Variants in PID1 observed in about 807,000 individuals in gnomAD.
PID1 encodes phosphotyrosine interaction domain containing 1.
In PID1, 10 loss-of-function variants were observed where a neutral mutation model predicts 19.1. The observed-to-expected ratio is 0.52, with a 90% CI of 0.32 to 0.89. The LOEUF (loss-of-function observed/expected upper bound fraction) is 0.89. PID1 is among the 40% of genes least tolerant of loss of function. PID1 has a pLI of 0.03. For synonymous variants in PID1, 130 were observed against 116.0 expected (o/e 1.12, Z -0.78); for missense variants, 248 against 285.3 (o/e 0.87, Z 0.94).
intron 1 of PID1, among the ~76,000 whole-genome samples, chr2:229,227,661 G>T (rs997829485): frequency 6.6e-6 from 1 of 152,084 alleles, no homozygotes; most frequent in Non-Finnish European, 1.5e-5. Context: ...CCCTCATAAG[G>T]GTACTGCACC....
At chr2:229,128,178 ACAGCT>A (rs1695662727) in intron 2 of PID1, among the ~76,000 whole-genome samples, 1 of 152,244 alleles carries the variant, frequency 6.6e-6, no homozygotes, top group Admixed American at 6.5e-5. Context: ...AGTGCTCTCA[ACAGCT>A]AAAGGTATTT....
intron 1 of PID1, among the ~76,000 whole-genome samples, chr2:229,160,533 C>T (rs1690471494): frequency 6.6e-6 from 1 of 152,124 alleles, no homozygotes; most frequent in African/African-American, 2.4e-5. Flanking sequence ...CTTCCCTGAA[C>T]ACCTATATGC....
chr2:229,142,649 G>C (rs1038452629), intron 2 of PID1, among the ~76,000 whole-genome samples: 14 of 152,162 alleles, frequency 9.2e-5, no homozygotes, highest in Admixed American at 7.2e-4. Context: ...CAATGAGATA[G>C]CATCTCACGC....
chr2:229,089,286 T>C (rs1245072389), intron 2 of PID1, among the ~76,000 whole-genome samples: 1 of 152,202 alleles, frequency 6.6e-6, no homozygotes, highest in Non-Finnish European at 1.5e-5. Flanking sequence ...CACTGGCTTA[T>C]TTATAAACTT....
At chr2:229,155,638 C>G (rs547092860) in intron 2 of PID1, among the ~76,000 whole-genome samples, 180 bp downstream of exon 2, 1 of 152,018 alleles carries the variant, frequency 6.6e-6, no homozygotes, top group South Asian at 2.1e-4. Flanking sequence ...AGTGTTAGGT[C>G]ATTTAGAAAA....
At chr2:229,166,205 CA>C (rs796995243) in intron 1 of PID1, among the ~76,000 whole-genome samples, 5 of 151,976 alleles carry the variant, frequency 3.3e-5, no homozygotes, top group African/African-American at 1.2e-4. Context: ...AGAACACAAA[CA>C]AAAAAAGAGA....
intron 2 of PID1, among the ~76,000 whole-genome samples, chr2:229,116,214 G>A (rs1347624442): frequency 2.6e-5 from 4 of 152,238 alleles, no homozygotes; most frequent in African/African-American, 7.2e-5. Flanking sequence ...GTGACAGAGC[G>A]AGACTCTGTC....
intron 2 of PID1, among the ~76,000 whole-genome samples, chr2:229,067,537 C>A (rs576518644): frequency 6.6e-6 from 1 of 152,212 alleles, no homozygotes; most frequent in African/African-American, 2.4e-5. Context: ...CATAGCCCCA[C>A]CAAAGGCCCT....
At chr2:229,032,396 T>C (rs16825599) in intron 2 of PID1, among the ~76,000 whole-genome samples, 5,170 of 152,318 alleles carry the variant, frequency 0.034, 310 homozygotes, top group African/African-American at 0.12. Flanking sequence ...ATGTCAGGTT[T>C]GGTTAAGGAG....
intron 2 of PID1, among the ~76,000 whole-genome samples, chr2:229,113,433 C>CAT (rs1559238706): frequency 9.6e-6 from 1 of 103,868 alleles, no homozygotes; most frequent in African/African-American, 3.0e-5. Flanking sequence ...CACACACATA[C>CAT]ATATATATAC....
chr2:229,223,852 G>C (rs1692022782), intron 1 of PID1, among the ~76,000 whole-genome samples: 1 of 152,174 alleles, frequency 6.6e-6, no homozygotes, highest in Middle Eastern at 3.2e-3. Context: ...ATAATGCTGA[G>C]GTTTGGGTTT....
intron 2 of PID1, among the ~76,000 whole-genome samples, chr2:229,092,294 G>GTAGACAGTC (rs1694892237): frequency 6.6e-6 from 1 of 152,154 alleles, no homozygotes; most frequent in African/African-American, 2.4e-5. Flanking sequence ...ACTGTAAGAA[G>GTAGACAGTC]TAGACAGTCT....
intron 2 of PID1, among the ~76,000 whole-genome samples, chr2:229,027,646 G>A (rs1343754570): frequency 6.6e-6 from 1 of 152,094 alleles, no homozygotes; most frequent in South Asian, 2.1e-4. Flanking sequence ...TCAAAACATT[G>A]GCCTCAGACT....
intron 2 of PID1, among the ~76,000 whole-genome samples, chr2:229,149,787 G>A (rs1469903175): frequency 2.0e-5 from 3 of 152,152 alleles, no homozygotes; most frequent in African/African-American, 7.2e-5. Context: ...TTGGGTACAT[G>A]GGGCCAAGCA....
chr2:229,195,282 T>C (rs987122437), intron 1 of PID1, among the ~76,000 whole-genome samples: 2 of 151,832 alleles, frequency 1.3e-5, no homozygotes, highest in African/African-American at 2.4e-5. Flanking sequence ...AACCTCATTT[T>C]TTATTCTTCA....
chr2:229,206,603 C>T lies in PID1; in HGVS notation c.31-50639G>A, dbSNP rs1300899182. On this transcript the variant is annotated intron_variant, in intron 1 of 2. Coordinates refer to ENST00000392055, the MANE Select transcript of PID1 (RefSeq NM_001100818.2). Reference sequence around the variant, plus strand: ...CTAAGCTAAACAGACCCAATTCTAGCTCTTTAACCGTGACATCATAAGTTA... The same window carrying T: ...CTAAGCTAAACAGACCCAATTCTAGTTCTTTAACCGTGACATCATAAGTTA... 2.0e-5 allele frequency among the ~76,000 whole-genome samples: 3 copies of T among 152,168 alleles called. No individual in the cohort carries two copies. In the East Asian group the frequency reaches 5.8e-4, roughly 29 times the overall value.
chr2:229,025,821 A>G lies in PID1; in HGVS notation c.465T>C (p.Asn155=). ...AGTCCATCTGGTAGGACAGGTCATC[A>G]TTGATCTCCCTGTAGACCCAGGCGA... The part of the protein sequence containing the change: ...NIFAWVYREI[N]DDLSYQMDCH... Residue 155 remains asparagine, a synonymous_variant, in exon 3 of 3, where the codon AAT becomes AAC. Transcript: ENST00000392055. 1.9e-6 allele frequency: 3 copies of G among 1,614,158 alleles called. No homozygotes were observed. The highest frequency in any genetic ancestry group is 1.3e-5 in the African/African-American group (1 of 75,048).
intron 1 of PID1, among the ~76,000 whole-genome samples, chr2:229,204,037 T>G (rs1691553423): frequency 6.6e-6 from 1 of 152,048 alleles, no homozygotes; most frequent in African/African-American, 2.4e-5. Context: ...TAAAATGAAA[T>G]TTAATAGAGC....
chr2:229,145,747 G>A (rs1416615952), intron 2 of PID1, among the ~76,000 whole-genome samples: 2 of 152,160 alleles, frequency 1.3e-5, no homozygotes, highest in Admixed American at 6.5e-5. Flanking sequence ...TGTTTCATGT[G>A]CCCACTATAT....
Sources: allele counts gnomAD v4.1 joint callset (sites outside exome capture counted in the v4.1 genomes callset), GRCh38; gene constraint gnomAD v4.1.1; transcripts MANE v1.5; gene names NCBI Gene and HGNC (gene_info 2026-07-23, HGNC 2026-07-21).